Variants in IMMP2L observed in about 807,000 individuals in gnomAD.
The protein encoded by IMMP2L is mitochondrial inner membrane protease subunit 2.
Under a neutral mutation model 19.3 loss-of-function variants are expected in IMMP2L, and 18 were observed. That is an observed-to-expected ratio of 0.93 (90% CI 0.64 to 1.38). The LOEUF is 1.38. IMMP2L is among the 40% of genes most tolerant of loss of function. IMMP2L has a pLI of 0.00. For missense variants in IMMP2L, 233 were observed against 218.2 expected (o/e 1.07, Z -0.43); for synonymous variants, 76 against 73.0 (o/e 1.04, Z -0.21).
chr7:111,133,663 AT>A (rs1476597799), intron 3 of IMMP2L, among the ~76,000 whole-genome samples: 1 of 152,036 alleles, frequency 6.6e-6, no homozygotes, highest in East Asian at 1.9e-4. Context: ...GGGTACAAAG[AT>A]TCGTTTGTCA....
At chr7:111,250,503 T>C (rs368862862) in intron 3 of IMMP2L, among the ~76,000 whole-genome samples, 7 of 151,936 alleles carry the variant, frequency 4.6e-5, no homozygotes, top group African/African-American at 1.2e-4. Flanking sequence ...GACTTCAAAC[T>C]ATACAAGGCT....
chr7:110,975,943 C>T (rs1012084038), intron 3 of IMMP2L, among the ~76,000 whole-genome samples: 1 of 151,976 alleles, frequency 6.6e-6, no homozygotes, highest in African/African-American at 2.4e-5. Flanking sequence ...CTAGAAGTAG[C>T]AAACAGCTTT....
chr7:111,066,094 G>A (rs779201295), intron 3 of IMMP2L, among the ~76,000 whole-genome samples: 26 of 149,520 alleles, frequency 1.7e-4, no homozygotes, highest in Middle Eastern at 3.5e-3. Context: ...TTCTCCTACC[G>A]CAGCCTCCTG....
intron 3 of IMMP2L, among the ~76,000 whole-genome samples, chr7:111,404,906 G>A (rs893309033): frequency 1.1e-4 from 17 of 152,000 alleles, no homozygotes; most frequent in Non-Finnish European, 2.9e-5. Context: ...CCCAAAAAAT[G>A]TGTCTAAAGT....
chr7:111,561,646 T>TA (rs1448406977), intron 1 of IMMP2L, among the ~76,000 whole-genome samples: 5 of 152,106 alleles, frequency 3.3e-5, no homozygotes, highest in Admixed American at 1.3e-4. Flanking sequence ...CCCAAGCTGT[T>TA]AAACTCTATA....
chr7:111,389,353 T>C (rs1037568368), intron 3 of IMMP2L, among the ~76,000 whole-genome samples: 7 of 152,088 alleles, frequency 4.6e-5, no homozygotes, highest in African/African-American at 1.4e-4. Flanking sequence ...AAGAACATCA[T>C]TGGGACAGTT....
chr7:110,750,118 T>C (rs1001171322), intron 5 of IMMP2L, among the ~76,000 whole-genome samples: 2 of 152,088 alleles, frequency 1.3e-5, no homozygotes, highest in African/African-American at 4.8e-5. Context: ...TTTGAAATGA[T>C]ATAGTTAAAA....
chr7:110,727,802 T>C lies in IMMP2L; in HGVS notation c.409-64081A>G, dbSNP rs539997908. On this transcript the variant is annotated intron_variant, in intron 5 of 5. Coordinates refer to ENST00000405709, the MANE Select transcript of IMMP2L (RefSeq NM_032549.4). This position sits in a 1 kb window ranked among gnomAD's most constrained non-coding sequence, Gnocchi z 4.3. ...GAAAGTCATGGGACTTACCTGAACTTATATCAAGGCGTAAGAAAAGAATTG... is the reference window on the plus strand; with the variant it reads ...GAAAGTCATGGGACTTACCTGAACTCATATCAAGGCGTAAGAAAAGAATTG... 3.9e-5 allele frequency among the ~76,000 whole-genome samples: 6 copies of C among 152,338 alleles called. No individual in the cohort carries two copies. The highest frequency in any genetic ancestry group is 2.0e-4 in the Admixed American group (3 of 15,304).
intron 3 of IMMP2L, among the ~76,000 whole-genome samples, chr7:111,385,982 C>A (rs1287591977): frequency 6.6e-6 from 1 of 151,746 alleles, no homozygotes; most frequent in African/African-American, 2.4e-5. Flanking sequence ...TGTGCAGCCT[C>A]CAACTCCTGG....
rs201329975 is a variant in IMMP2L at position 111,274,840 on chromosome 7, A to C, written c.239+212398T>G. On this transcript the variant is annotated intron_variant, in intron 3 of 5. Coordinates refer to ENST00000405709, the MANE Select transcript of IMMP2L (RefSeq NM_032549.4). ...AGTTTTTCTTGTTATTCCCAACAGA[A>C]AGAGTAATAGTATAATGATTTAGAG... Among the ~76,000 whole-genome samples the C allele has an allele frequency of 2.0e-5, 3 of 152,282 alleles. No homozygotes were observed. The East Asian group carries it at 5.8e-4, about 29-fold the overall frequency.
intron 3 of IMMP2L, among the ~76,000 whole-genome samples, chr7:111,461,952 G>A (rs1330203919): frequency 6.6e-6 from 1 of 151,738 alleles, no homozygotes; most frequent in African/African-American, 2.4e-5. Context: ...TTGTTTGTAT[G>A]AACAATTCCA....
At chr7:111,036,123 G>A (rs1204109039) in intron 3 of IMMP2L, among the ~76,000 whole-genome samples, 1 of 151,964 alleles carries the variant, frequency 6.6e-6, no homozygotes, top group Non-Finnish European at 1.5e-5. Context: ...CAATAAATAT[G>A]GCATTTTAGA....
At chr7:111,229,531 A>G (rs1167382212) in intron 3 of IMMP2L, among the ~76,000 whole-genome samples, 1 of 151,854 alleles carries the variant, frequency 6.6e-6, no homozygotes. Flanking sequence ...TGCCACACCA[A>G]CTCACCCTAC....
At chr7:110,991,422 T>C (rs1354326694) in intron 3 of IMMP2L, among the ~76,000 whole-genome samples, 2 of 152,190 alleles carry the variant, frequency 1.3e-5, no homozygotes, top group African/African-American at 4.8e-5. Context: ...ATTTTACAAT[T>C]TACTAACGGT....
intron 3 of IMMP2L, among the ~76,000 whole-genome samples, chr7:111,303,525 C>A (rs577946684): frequency 6.6e-6 from 1 of 152,174 alleles, no homozygotes; most frequent in East Asian, 1.9e-4. Flanking sequence ...CATGACTATG[C>A]AAAGTTAGGG....
intron 5 of IMMP2L, among the ~76,000 whole-genome samples, chr7:110,873,760 A>G (rs1215368598): frequency 6.6e-6 from 1 of 151,036 alleles, no homozygotes; most frequent in Non-Finnish European, 1.5e-5. Flanking sequence ...GGGCAACAAG[A>G]GTGAAACTCT....
In IMMP2L at chr7:110,757,642, C is replaced by A. The variant is rs1584738635; in HGVS notation, c.409-93921G>T. Reference sequence around the variant, plus strand: ...TCTCATATACCGGGTTCTATAAGTGCTCCCAGCCCTTGTCCAGCAGTGGTA... The same window carrying A: ...TCTCATATACCGGGTTCTATAAGTGATCCCAGCCCTTGTCCAGCAGTGGTA... On this transcript the variant is annotated intron_variant, in intron 5 of 5. Coordinates refer to ENST00000405709, the MANE Select transcript of IMMP2L (RefSeq NM_032549.4). The surrounding 1 kb of genome is among the most constrained non-coding windows in gnomAD (Gnocchi z 4.2). Among the ~76,000 whole-genome samples the A allele has an allele frequency of 6.6e-6, 1 of 152,244 alleles. No homozygotes were observed. Among genetic ancestry groups the A allele is most frequent in the East Asian group, 1.9e-4 (1 of 5,164 alleles).
At chr7:111,468,986 T>A (rs937967115) in intron 3 of IMMP2L, among the ~76,000 whole-genome samples, 2 of 152,026 alleles carry the variant, frequency 1.3e-5, no homozygotes, top group Non-Finnish European at 2.9e-5. Context: ...ATATATCCAA[T>A]GGAGAGCTAA....
At chr7:111,134,103 T>C (rs1007045547) in intron 3 of IMMP2L, among the ~76,000 whole-genome samples, 2 of 152,060 alleles carry the variant, frequency 1.3e-5, no homozygotes, top group African/African-American at 4.8e-5. Context: ...ATTGACCTAG[T>C]TCTGTTTCCA....
Sources: allele counts gnomAD v4.1 joint callset (sites outside exome capture counted in the v4.1 genomes callset), GRCh38; gene constraint gnomAD v4.1.1; non-coding constraint Gnocchi (gnomAD v3.1); transcripts MANE v1.5; gene names NCBI Gene and HGNC (gene_info 2026-07-23, HGNC 2026-07-21).